The following SYT17 variants were observed in gnomAD, a reference collection of about 807,000 sequenced individuals.
The protein encoded by SYT17 is synaptotagmin 17, also known as synaptotagmin-17.
In SYT17, 22 loss-of-function variants were observed where a neutral mutation model predicts 46.7. The observed-to-expected ratio is 0.47, with a 90% CI of 0.34 to 0.67. SYT17 has a LOEUF of 0.67. SYT17 is among the 30% of genes least tolerant of loss of function. The pLI is 0.01. For synonymous variants in SYT17, 251 were observed against 248.4 expected, an observed-to-expected ratio of 1.01 and a Z score of -0.10; for missense variants, 519 against 612.8, an observed-to-expected ratio of 0.85 and a Z score of 1.62.
At chr16:19,243,686 C>T (rs934163763) in intron 7 of SYT17, among the ~76,000 whole-genome samples, 19 of 151,818 alleles carry the variant, frequency 1.3e-4, no homozygotes, top group South Asian at 8.3e-4. Context: ...GGCATGGTGA[C>T]TCATGCCTGT....
chr16:19,183,850 T>A lies in SYT17; in HGVS notation c.654T>A (p.Asp218Glu). ...ARDLPPPISH[D>E]GSRQDMAHSN... The stretch of plus-strand genomic sequence containing the variant: ...ACCTGCCACCTCCCATCTCCCACGA[T>A]GGCTCGCGCCAGGACATGGCGCACT... Residue 218 changes from aspartate to glutamate, a missense_variant, in exon 5 of 8, where the codon GAT (aspartate) becomes GAA (glutamate). Asp to Glu is a conservative substitution (Grantham distance 45, BLOSUM62 2). Coordinates refer to ENST00000355377, the MANE Select transcript of SYT17 (RefSeq NM_016524.4). This position sits in a 1 kb window ranked among gnomAD's most constrained non-coding sequence, Gnocchi z 5.6. 6.2e-7 allele frequency: 1 copy of A among 1,614,184 alleles called. No homozygotes were observed. The highest frequency in any genetic ancestry group is 2.2e-5 in the East Asian group (1 of 44,886).
At chr16:19,261,958 G>A (rs1969004055) in intron 7 of SYT17, among the ~76,000 whole-genome samples, 2 of 152,156 alleles carry the variant, frequency 1.3e-5, no homozygotes, top group Admixed American at 1.3e-4. Flanking sequence ...CTACTAGGAG[G>A]TGACCTCAGG....
chr16:19,195,299 A>T (rs1965190357), intron 5 of SYT17, among the ~76,000 whole-genome samples: 1 of 152,242 alleles, frequency 6.6e-6, no homozygotes, highest in Non-Finnish European at 1.5e-5. Flanking sequence ...CATGTCATCC[A>T]GCTGCAGAGG....
chr16:19,215,756 A>G (rs1419273313), intron 5 of SYT17, among the ~76,000 whole-genome samples: 1 of 152,170 alleles, frequency 6.6e-6, no homozygotes. Context: ...CCCTTGTATT[A>G]GTCTGTTCTC....
intron 6 of SYT17, among the ~76,000 whole-genome samples, chr16:19,224,249 T>C (rs1383306947): frequency 7.2e-5 from 11 of 152,148 alleles, no homozygotes; most frequent in Non-Finnish European, 1.5e-4. Context: ...AAAACTGATT[T>C]CTCACCTTGA....
intron 1 of SYT17, chr16:19,172,407 G>A: frequency 7.0e-7 from 1 of 1,425,916 alleles, no homozygotes; most frequent in Non-Finnish European, 9.1e-7. Flanking sequence ...TGTATAGGAA[G>A]GTTTGCTCTT....
In SYT17 at chr16:19,218,861, G is replaced by A. The variant is rs549725678; in HGVS notation, c.952-4184G>A. On this transcript the variant is annotated intron_variant, in intron 5 of 7. Transcript: ENST00000355377. Reference sequence around the variant, plus strand: ...TTGAACACACTGACTGAGTGATGCCGGGTTTATTCCTCCCTCCCTCCATCC... The same window carrying A: ...TTGAACACACTGACTGAGTGATGCCAGGTTTATTCCTCCCTCCCTCCATCC... Among the ~76,000 whole-genome samples the A allele has an allele frequency of 3.9e-5, 6 of 152,164 alleles. No individual in the cohort carries two copies. The East Asian group carries it at 1.2e-3, about 29-fold the overall frequency.
intron 7 of SYT17, among the ~76,000 whole-genome samples, chr16:19,264,647 C>T (rs1201525061): frequency 6.6e-6 from 1 of 150,786 alleles, no homozygotes; most frequent in Non-Finnish European, 1.5e-5. Flanking sequence ...AGGCTAGAGC[C>T]AGTGCAGTGG....
intron 7 of SYT17, among the ~76,000 whole-genome samples, chr16:19,259,802 C>A: frequency 6.6e-6 from 1 of 151,802 alleles, no homozygotes; most frequent in East Asian, 1.9e-4. Flanking sequence ...TGAGACAAGT[C>A]GCAATCAGTT....
At chr16:19,258,918 C>G (rs1253111617) in intron 7 of SYT17, among the ~76,000 whole-genome samples, 1 of 152,208 alleles carries the variant, frequency 6.6e-6, no homozygotes, top group East Asian at 1.9e-4. Flanking sequence ...ATCCCAGGCT[C>G]CTTCAAAGCC....
At chr16:19,228,468 G>A (rs1418923030) in intron 7 of SYT17, among the ~76,000 whole-genome samples, 1 of 152,178 alleles carries the variant, frequency 6.6e-6, no homozygotes, top group African/African-American at 2.4e-5. Context: ...CTCAACCCTG[G>A]CTGTACCTTA....
chr16:19,178,599 A>G (rs1447515317), intron 3 of SYT17, among the ~76,000 whole-genome samples: 1 of 152,126 alleles, frequency 6.6e-6, no homozygotes, highest in Non-Finnish European at 1.5e-5. Context: ...GCTCCTGATA[A>G]CACTTTTGAA....
chr16:19,228,786 T>G (rs1166095490), intron 7 of SYT17, among the ~76,000 whole-genome samples: 1 of 152,174 alleles, frequency 6.6e-6, no homozygotes, highest in Non-Finnish European at 1.5e-5. Context: ...CCTGCTTTAT[T>G]TGTCCACTGA....
chr16:19,228,333 C>T (rs1043270574), intron 7 of SYT17, among the ~76,000 whole-genome samples: 6 of 152,140 alleles, frequency 3.9e-5, no homozygotes, highest in South Asian at 2.1e-4. Context: ...ACAGAAGACC[C>T]GCTTCTCTCC....
At chr16:19,216,533 GC>G (rs1567216599) in intron 5 of SYT17, among the ~76,000 whole-genome samples, 2 of 151,570 alleles carry the variant, frequency 1.3e-5, no homozygotes, top group Non-Finnish European at 2.9e-5. Flanking sequence ...CCCTCCCTTA[GC>G]CCCCCAACCC....
chr16:19,226,131 C>A (rs1966488162), intron 7 of SYT17, among the ~76,000 whole-genome samples: 1 of 152,206 alleles, frequency 6.6e-6, no homozygotes, highest in African/African-American at 2.4e-5. Flanking sequence ...TTGATATCTT[C>A]ATCCTCAACT....
At chr16:19,202,593 C>T (rs1965508842) in intron 5 of SYT17, among the ~76,000 whole-genome samples, 1 of 152,230 alleles carries the variant, frequency 6.6e-6, no homozygotes, top group South Asian at 2.1e-4. Context: ...CCCCTCCCCT[C>T]CCTGGAGGTC....
intron 7 of SYT17, among the ~76,000 whole-genome samples, chr16:19,225,290 A>G (rs944602551): frequency 6.6e-5 from 10 of 152,256 alleles, no homozygotes; most frequent in African/African-American, 2.2e-4. Context: ...AGAGAGGCAT[A>G]TGAAAAAACA....
intron 3 of SYT17, among the ~76,000 whole-genome samples, chr16:19,177,051 A>C (rs1964341808): frequency 6.6e-6 from 1 of 152,104 alleles, no homozygotes; most frequent in African/African-American, 2.4e-5. Context: ...AGATATCCAA[A>C]TGTTGAGTGT....
Sources: allele counts gnomAD v4.1 joint callset (sites outside exome capture counted in the v4.1 genomes callset), GRCh38; gene constraint gnomAD v4.1.1; non-coding constraint Gnocchi (gnomAD v3.1); transcripts MANE v1.5; gene names NCBI Gene and HGNC (gene_info 2026-07-23, HGNC 2026-07-21).